The following ANO3 variants were observed in gnomAD, a reference collection of about 807,000 sequenced individuals.
ANO3 encodes anoctamin 3, also known as anoctamin-3.
A neutral mutation model predicts 144.8 loss-of-function variants in ANO3; 99 were observed. That is an observed-to-expected ratio of 0.68 (90% CI 0.58 to 0.81). The LOEUF is 0.81. Ranked by LOEUF, ANO3 falls within the 30% of genes least tolerant of loss-of-function variation. The pLI is 0.00. For missense variants in ANO3, 905 were observed against 1,202.2 expected (o/e 0.75, Z 3.66); for synonymous variants, 414 against 392.6 (o/e 1.05, Z -0.64).
chr11:26,551,593 A>T (rs1225754813), intron 12 of ANO3, among the ~76,000 whole-genome samples: 1 of 151,912 alleles, frequency 6.6e-6, no homozygotes, highest in Non-Finnish European at 1.5e-5. Context: ...CTTTTGATTG[A>T]CTCCATTTGG....
chr11:26,324,095 C>T lies in ANO3; in HGVS notation c.-3+14376C>T, dbSNP rs192115799. Reference sequence around the variant, plus strand: ...GAAAAGCCCTACCTTAAGAGTATTTCTCAAAAACAATTGGAGGCAATATTT... The same window carrying T: ...GAAAAGCCCTACCTTAAGAGTATTTTTCAAAAACAATTGGAGGCAATATTT... On this transcript the variant is annotated intron_variant, in intron 1 of 26. Coordinates refer to the ANO3 transcript ENST00000525139. Among the ~76,000 whole-genome samples the T allele has an allele frequency of 2.0e-5, 3 of 152,226 alleles. No homozygotes were observed. In the East Asian group the frequency reaches 5.8e-4, roughly 29 times the overall value.
intron 1 of ANO3, among the ~76,000 whole-genome samples, chr11:26,312,530 C>T (rs945313041): frequency 6.6e-6 from 1 of 152,168 alleles, no homozygotes; most frequent in Non-Finnish European, 1.5e-5. Flanking sequence ...TTTTAATGAT[C>T]ACCATTCTAA....
At chr11:26,199,663 C>CT (rs762496266) in intron 1 of ANO3, among the ~76,000 whole-genome samples, 8 of 152,104 alleles carry the variant, frequency 5.3e-5, no homozygotes, top group Non-Finnish European at 8.8e-5. Flanking sequence ...TTTCAGGTTA[C>CT]TTAAGGGGCA....
At chr11:26,570,639 G>A (rs1346886116) in intron 14 of ANO3, among the ~76,000 whole-genome samples, 1 of 152,024 alleles carries the variant, frequency 6.6e-6, no homozygotes, top group Admixed American at 6.6e-5. Flanking sequence ...ACTATACATT[G>A]GGCTGCCTTT....
chr11:26,394,383 G>A (rs745741001), intron 1 of ANO3, among the ~76,000 whole-genome samples: 6 of 151,666 alleles, frequency 4.0e-5, no homozygotes, highest in Non-Finnish European at 8.8e-5. Flanking sequence ...ATTACAAATG[G>A]GTTTAGAAAG....
At position 26,271,786 on chromosome 11, in the gene ANO3, A is replaced by ATATCTGAGAATTT. The variant is rs1439852682; in HGVS notation, c.155-37859_155-37858insTATCTGAGAATTT. Reference sequence around the variant, plus strand: ...AGGGTAAATATTCTTTCCGCCTAGCACAGTAATTTGTATATCTGAGAATTT... The same window carrying ATATCTGAGAATTT: ...AGGGTAAATATTCTTTCCGCCTAGCATATCTGAGAATTTCAGTAATTTGTATATCTGAGAATTT... On this transcript the variant is annotated intron_variant, in intron 1 of 27. Coordinates refer to the ANO3 transcript ENST00000672621. Among the ~76,000 whole-genome samples, 519 of 152,110 alleles carry ATATCTGAGAATTT rather than the reference A, an allele frequency of 3.4e-3. 1 individual carries two copies. Among genetic ancestry groups the ATATCTGAGAATTT allele is most frequent in the African/African-American group, 0.012 (499 of 41,528 alleles).
chr11:26,289,574 ATATATCC>A (rs1853893547), intron 1 of ANO3, among the ~76,000 whole-genome samples: 1 of 114,450 alleles, frequency 8.7e-6, no homozygotes, highest in Non-Finnish European at 1.7e-5. Context: ...ACATATACAC[ATATATCC>A]TATATGTGTG....
chr11:26,466,446 T>C lies in ANO3; in HGVS notation c.432+3298T>C, dbSNP rs185955479. Among the ~76,000 whole-genome samples the C allele has an allele frequency of 3.9e-5, 6 of 152,140 alleles. No homozygotes were observed. In the East Asian group the frequency reaches 9.7e-4, roughly 25 times the overall value. On this transcript the variant is annotated intron_variant, in intron 4 of 26. Transcript: ENST00000256737. The stretch of plus-strand genomic sequence containing the variant: ...TCTATTGAACAGGCCTTGGTCCTCA[T>C]GTTTGTCAGTAGACTGTTGCAGGAG...
chr11:26,215,704 G>A (rs960271985), intron 1 of ANO3, among the ~76,000 whole-genome samples: 1 of 134,990 alleles, frequency 7.4e-6, no homozygotes, highest in Non-Finnish European at 1.7e-5. Flanking sequence ...ATAATAACCT[G>A]TATATATACT....
chr11:26,547,384 A>G (rs1590503640), intron 11 of ANO3, 32 bp from the exon 12 acceptor site: 2 of 1,604,406 alleles, frequency 1.2e-6, no homozygotes, highest in Non-Finnish European at 1.7e-6. Flanking sequence ...ATGTTGCCTT[A>G]ACTCAGTCTA....
chr11:26,559,644 C>T lies in ANO3; in HGVS notation c.1387-75C>T, dbSNP rs1187440864. The T allele has an allele frequency of 1.5e-5, 15 of 995,044 alleles. No individual in the cohort carries two copies. The East Asian group carries it at 3.6e-4, about 24-fold the overall frequency. The allele number at this position is 995,044 out of a possible 1,614,324, so 61.6% of individuals were successfully genotyped here. A position where few individuals can be genotyped will look rare whatever the true frequency, so the allele number is the denominator to read the frequency against. On this transcript the variant is annotated intron_variant, in intron 13 of 26. Transcript: ENST00000256737. Reference sequence around the variant, plus strand: ...TCTATTTGAGAAAAAATCATAGTACCTGAGTGCAAACAGTATTCACTGGCT... The same window carrying T: ...TCTATTTGAGAAAAAATCATAGTACTTGAGTGCAAACAGTATTCACTGGCT...
chr11:26,632,691 A>C (rs1384667141), intron 18 of ANO3, among the ~76,000 whole-genome samples: 2 of 151,830 alleles, frequency 1.3e-5, no homozygotes, highest in East Asian at 3.9e-4. Context: ...CACTTGATAC[A>C]TTGACAAAAC....
chr11:26,299,164 G>A (rs1053106695), intron 1 of ANO3, among the ~76,000 whole-genome samples: 1 of 151,942 alleles, frequency 6.6e-6, no homozygotes, highest in Admixed American at 6.6e-5. Flanking sequence ...TTAAGAAAAA[G>A]AGGAATGACA....
At chr11:26,601,552 A>C (rs1851800152) in intron 17 of ANO3, among the ~76,000 whole-genome samples, 1 of 152,128 alleles carries the variant, frequency 6.6e-6, no homozygotes, top group Non-Finnish European at 1.5e-5. Context: ...AAAAAAATAC[A>C]CTTTTAGAAG....
At chr11:26,566,956 T>C in intron 14 of ANO3, 2 of 1,126,690 alleles carry the variant, frequency 1.8e-6, no homozygotes, top group South Asian at 6.0e-5. Flanking sequence ...AAACACTTAA[T>C]AGATGCTAAC....
At chr11:26,244,058 A>G (rs1852725492) in intron 1 of ANO3, among the ~76,000 whole-genome samples, 1 of 150,176 alleles carries the variant, frequency 6.7e-6, no homozygotes, top group African/African-American at 2.5e-5. Flanking sequence ...CAGAGGTTGC[A>G]GTGAGCTGAG....
At chr11:26,276,074 C>T (rs554415000) in intron 1 of ANO3, among the ~76,000 whole-genome samples, 216 of 152,258 alleles carry the variant, frequency 1.4e-3, no homozygotes, top group African/African-American at 4.9e-3. Context: ...GGAGGCCTTG[C>T]TTGCTTGATG....
intron 17 of ANO3, among the ~76,000 whole-genome samples, chr11:26,602,333 C>T (rs1851820419): frequency 6.6e-6 from 1 of 151,966 alleles, no homozygotes; most frequent in Non-Finnish European, 1.5e-5. Flanking sequence ...TGTTTTTTGC[C>T]CACTGTGGGC....
chr11:26,361,172 A>T (rs563969765), intron 1 of ANO3, among the ~76,000 whole-genome samples: 165 of 152,216 alleles, frequency 1.1e-3, no homozygotes, highest in Non-Finnish European at 2.2e-3. Context: ...CTTGGAAATG[A>T]AAGGTACACA....
Sources: allele counts gnomAD v4.1 joint callset (sites outside exome capture counted in the v4.1 genomes callset), GRCh38; gene constraint gnomAD v4.1.1; transcripts MANE v1.5; gene names NCBI Gene and HGNC (gene_info 2026-07-23, HGNC 2026-07-21).